CDH20: variants seen among roughly 807,000 people sequenced by gnomAD.
CDH20 encodes the protein cadherin-20.
A neutral mutation model predicts 74.2 loss-of-function variants in CDH20; 29 were observed. The ratio of observed to expected loss-of-function variants is 0.39; its 90% CI spans 0.29 to 0.53. The LOEUF (loss-of-function observed/expected upper bound fraction) is 0.53. Ranked by LOEUF, CDH20 falls within the 20% of genes least tolerant of loss-of-function variation. CDH20 has a pLI of 0.69. For synonymous variants in CDH20, 469 were observed against 405.4 expected (o/e 1.16, Z -1.88); for missense variants, 988 against 1,048.3 (o/e 0.94, Z 0.79).
intron 6 of CDH20, among the ~76,000 whole-genome samples, chr18:61,509,659 A>C (rs1408364978): frequency 6.6e-6 from 1 of 152,222 alleles, no homozygotes; most frequent in African/African-American, 2.4e-5. Flanking sequence ...TTTTTAACAG[A>C]TGTATGACAT....
intron 1 of CDH20, among the ~76,000 whole-genome samples, chr18:61,471,741 T>C (rs1020334494): frequency 4.6e-5 from 7 of 152,188 alleles, no homozygotes; most frequent in Non-Finnish European, 2.9e-5. Context: ...GTCGGAGCAT[T>C]TATAGCCTCA....
chr18:61,443,545 T>C (rs1909099540), intron 1 of CDH20, among the ~76,000 whole-genome samples: 1 of 152,140 alleles, frequency 6.6e-6, no homozygotes, highest in Non-Finnish European at 1.5e-5. Context: ...GCCGTGCTAC[T>C]CAGAGTGTGG....
rs1014966360 is a variant in CDH20 at position 61,414,552 on chromosome 18, G to A, written c.-152-75850G>A. Among the ~76,000 whole-genome samples, 9 of 152,092 alleles carry A rather than the reference G, an allele frequency of 5.9e-5. 1 individual carries two copies. Among genetic ancestry groups the A allele is most frequent in the Admixed American group, 5.2e-4 (8 of 15,262 alleles). ...ATTGTATACAAGTGTCAAAATGAGT[G>A]ATTTGGGATTCTCTATGCAAGCATT... On this transcript the variant is annotated intron_variant, in intron 1 of 11. Coordinates refer to ENST00000262717, the MANE Select transcript of CDH20 (RefSeq NM_031891.4).
Position 61,477,390 on chromosome 18 carries a change from G to A in CDH20, c.-152-13012G>A, listed in dbSNP as rs370211804. ...TAATTCCAACATAACTTGACTTACT[G>A]TACTAGTTTATTCTGAAGTATTTCT... is the stretch of plus-strand genomic sequence containing the variant. On this transcript the variant is annotated intron_variant, in intron 1 of 11. Transcript: ENST00000262717. 1.7e-4 allele frequency among the ~76,000 whole-genome samples: 26 copies of A among 152,230 alleles called. 1 individual carries two copies. In the East Asian group the frequency reaches 4.1e-3, roughly 24 times the overall value.
chr18:61,453,028 C>T (rs1213623223), intron 1 of CDH20, among the ~76,000 whole-genome samples: 2 of 152,172 alleles, frequency 1.3e-5, no homozygotes, highest in African/African-American at 4.8e-5. Flanking sequence ...CCGTGCACCC[C>T]ACTGCTAACT....
intron 10 of CDH20, 24 bp from the exon 11 acceptor site, chr18:61,549,954 T>A: frequency 2.5e-6 from 4 of 1,601,874 alleles, no homozygotes; most frequent in Non-Finnish European, 2.6e-6. Flanking sequence ...CCTTTTCCAA[T>A]CCTGGAACCC....
chr18:61,389,256 C>A (rs1911695860), intron 1 of CDH20, among the ~76,000 whole-genome samples: 2 of 152,192 alleles, frequency 1.3e-5, no homozygotes, highest in African/African-American at 4.8e-5. Flanking sequence ...CCAATTGGCT[C>A]ATTTTACAAC....
At chr18:61,413,187 C>G (rs1912568524) in intron 1 of CDH20, among the ~76,000 whole-genome samples, 1 of 152,158 alleles carries the variant, frequency 6.6e-6, no homozygotes, top group South Asian at 2.1e-4. Context: ...GTACCATCCA[C>G]ATCCACATCT....
At chr18:61,346,936 G>T (rs958822839) in intron 1 of CDH20, among the ~76,000 whole-genome samples, 1 of 151,984 alleles carries the variant, frequency 6.6e-6, no homozygotes, top group Admixed American at 6.6e-5. Flanking sequence ...TCCGTCTGGG[G>T]TGCTGGCATG....
chr18:61,435,532 G>T (rs1908802387), intron 1 of CDH20, among the ~76,000 whole-genome samples: 1 of 151,986 alleles, frequency 6.6e-6, no homozygotes. Flanking sequence ...TAGATAAATG[G>T]AAATAAGAAG....
At chr18:61,554,164 C>G (rs1913535220) in intron 11 of CDH20, 26 bp from the exon 12 acceptor site, 1 of 1,592,858 alleles carries the variant, frequency 6.3e-7, no homozygotes. Flanking sequence ...CCTCGGTAAA[C>G]ACACTCTCCT....
At chr18:61,349,024 A>G (rs994240652) in intron 1 of CDH20, among the ~76,000 whole-genome samples, 37 of 152,170 alleles carry the variant, frequency 2.4e-4, no homozygotes, top group Non-Finnish European at 3.1e-4. Context: ...TTTAAACTGC[A>G]TGTAGGCTGT....
intron 1 of CDH20, among the ~76,000 whole-genome samples, chr18:61,386,099 C>T (rs932039252): frequency 1.3e-5 from 2 of 152,068 alleles, no homozygotes; most frequent in Admixed American, 1.3e-4. Context: ...TATACTGCAA[C>T]AATTACTTGT....
intron 1 of CDH20, among the ~76,000 whole-genome samples, chr18:61,388,210 A>G (rs1911665821): frequency 6.6e-6 from 1 of 152,168 alleles, no homozygotes; most frequent in African/African-American, 2.4e-5. Flanking sequence ...ATGGATGAGT[A>G]ATATTTTTAT....
chr18:61,464,050 T>C (rs1487291250), intron 1 of CDH20, among the ~76,000 whole-genome samples: 8 of 152,164 alleles, frequency 5.3e-5, no homozygotes, highest in Non-Finnish European at 8.8e-5. Context: ...AAATATTAGT[T>C]ACCTTCCCTA....
At chr18:61,535,581 G>A (rs963869426) in intron 7 of CDH20, among the ~76,000 whole-genome samples, 1 of 152,090 alleles carries the variant, frequency 6.6e-6, no homozygotes, top group African/African-American at 2.4e-5. Context: ...TCCTACCCAG[G>A]AGCTAGTTAA....
chr18:61,444,455 C>A (rs1909134274), intron 1 of CDH20, among the ~76,000 whole-genome samples: 1 of 152,284 alleles, frequency 6.6e-6, no homozygotes, highest in Admixed American at 6.5e-5. Flanking sequence ...ATGGGATATG[C>A]TTGAAGGCTA....
intron 1 of CDH20, among the ~76,000 whole-genome samples, chr18:61,446,140 G>T (rs1166344773): frequency 2.6e-5 from 4 of 152,226 alleles, no homozygotes; most frequent in Admixed American, 2.6e-4. Flanking sequence ...TATGACTAAG[G>T]CTAGCCATAC....
chr18:61,480,388 G>A (rs627736), intron 1 of CDH20, among the ~76,000 whole-genome samples: 9,009 of 152,204 alleles, frequency 0.059, 300 homozygotes, highest in Middle Eastern at 0.11. Flanking sequence ...ACATGTGCCC[G>A]GGATGGTCAG....
Sources: allele counts gnomAD v4.1 joint callset (sites outside exome capture counted in the v4.1 genomes callset), GRCh38; gene constraint gnomAD v4.1.1; transcripts MANE v1.5; gene names NCBI Gene and HGNC (gene_info 2026-07-23, HGNC 2026-07-21).